Variants in FBXW7 observed in about 807,000 individuals in gnomAD.
The protein encoded by FBXW7 is F-box/WD repeat-containing protein 7.
FBXW7 carries 11 observed loss-of-function variants against 86.3 expected under a neutral mutation model. The ratio of observed to expected loss-of-function variants is 0.13; its 90% CI spans 0.08 to 0.21. FBXW7 has a LOEUF of 0.21. Among genes scored for constraint, FBXW7 ranks in the 10% least tolerant of loss-of-function variants. The probability of loss-of-function intolerance (pLI) is 1.00; values close to 1 mark genes in which losing one functional copy is unlikely to be tolerated. For missense variants in FBXW7, 488 were observed against 847.4 expected (o/e 0.58, Z 5.27); for synonymous variants, 313 against 297.9 (o/e 1.05, Z -0.52).
At chr4:152,459,785 T>C (rs1479874923) in intron 2 of FBXW7, among the ~76,000 whole-genome samples, 1 of 152,250 alleles carries the variant, frequency 6.6e-6, no homozygotes, top group Non-Finnish European at 1.5e-5. Flanking sequence ...AGAACAATTA[T>C]ACTGTAATAA....
At chr4:152,407,520 C>T (rs985339073) in intron 4 of FBXW7, among the ~76,000 whole-genome samples, 1 of 152,106 alleles carries the variant, frequency 6.6e-6, no homozygotes, top group Non-Finnish European at 1.5e-5. Flanking sequence ...AACTTAGAGC[C>T]CTGTTATATT....
chr4:152,385,935 T>G (rs936671611), intron 4 of FBXW7, among the ~76,000 whole-genome samples: 1 of 152,004 alleles, frequency 6.6e-6, no homozygotes. Context: ...TTCATTTTTT[T>G]GGGAGGATTC....
intron 5 of FBXW7, 81 bp downstream of exon 5, chr4:152,349,961 C>A: frequency 1.1e-5 from 8 of 751,246 alleles, no homozygotes; most frequent in Non-Finnish European, 1.7e-5. Context: ...CATTATTATT[C>A]TACAAGAATA....
At chr4:152,502,943 C>A (rs982008729) in intron 2 of FBXW7, among the ~76,000 whole-genome samples, 1 of 152,098 alleles carries the variant, frequency 6.6e-6, no homozygotes, top group Non-Finnish European at 1.5e-5. Flanking sequence ...AGTAAATGTA[C>A]AACAAACGTG....
At chr4:152,370,106 G>C (rs548638935) in intron 4 of FBXW7, among the ~76,000 whole-genome samples, 1 of 152,072 alleles carries the variant, frequency 6.6e-6, no homozygotes, top group South Asian at 2.1e-4. Context: ...AGTAGCAACA[G>C]TGACATTTTA....
rs1005086931 is a variant in FBXW7 at position 152,322,786 on chromosome 4, ATTT to A, written c.*92_*94del. On this transcript the variant is annotated 3_prime_UTR_variant, in exon 14 of 14. Transcript: ENST00000281708. ...CATCCTGCACCACTGAGAACAAGGG[ATTT>A]TTTTCTTTTTCTTTTCTTTTTTTCT... 3.2e-6 allele frequency: 5 copies of A among 1,543,678 alleles called. No homozygotes were observed. Among genetic ancestry groups the A allele is most frequent in the Non-Finnish European group, 4.3e-6 (5 of 1,149,706 alleles).
intron 4 of FBXW7, among the ~76,000 whole-genome samples, chr4:152,388,337 G>A (rs1252938642): frequency 2.6e-5 from 4 of 152,064 alleles, no homozygotes; most frequent in African/African-American, 9.7e-5. Flanking sequence ...ACATACACAA[G>A]TGTTATAAAA....
In FBXW7 at chr4:152,337,705, C is replaced by T. The variant is rs1409084530; in HGVS notation, c.861+97G>A. The stretch of plus-strand genomic sequence containing the variant: ...ATTAAGAGTGTCAAACTGACAATAC[C>T]GAATACCATAATTAGCATGACAATG... On this transcript the variant is annotated intron_variant, in intron 7 of 13. Coordinates refer to ENST00000281708, the MANE Select transcript of FBXW7 (RefSeq NM_001349798.2). 3.3e-5 allele frequency: 43 copies of T among 1,286,172 alleles called. No individual in the cohort carries two copies. The Middle Eastern group carries it at 1.3e-3, about 40-fold the overall frequency. The allele number at this position is 1,286,172 out of a possible 1,614,324, so 79.7% of individuals were successfully genotyped here.
chr4:152,407,640 G>A (rs140803664), intron 4 of FBXW7, among the ~76,000 whole-genome samples: 2 of 152,276 alleles, frequency 1.3e-5, no homozygotes, highest in Non-Finnish European at 2.9e-5. Flanking sequence ...CCTATTACCT[G>A]ATTCCTCTAT....
At chr4:152,526,635 T>A (rs1186780356) in intron 2 of FBXW7, among the ~76,000 whole-genome samples, 5 of 152,234 alleles carry the variant, frequency 3.3e-5, no homozygotes, top group African/African-American at 1.2e-4. Flanking sequence ...TTCTTAATGA[T>A]TTTTTAAAGC....
chr4:152,382,358 G>A (rs769012506), intron 4 of FBXW7: 9 of 1,546,350 alleles, frequency 5.8e-6, no homozygotes, highest in African/African-American at 1.4e-5. Flanking sequence ...CTTGGTTGAC[G>A]AATACTCTCT....
chr4:152,369,597 A>T (rs2126730637), intron 4 of FBXW7, among the ~76,000 whole-genome samples: 1 of 152,172 alleles, frequency 6.6e-6, no homozygotes, highest in Non-Finnish European at 1.5e-5. Flanking sequence ...TTTTGACACG[A>T]AAAAAAGATG....
intron 6 of FBXW7, among the ~76,000 whole-genome samples, chr4:152,338,755 A>G (rs1444808271): frequency 6.6e-6 from 1 of 152,178 alleles, no homozygotes; most frequent in Non-Finnish European, 1.5e-5. Flanking sequence ...AAAATGTTAC[A>G]ATTTCACACA....
chr4:152,420,354 T>C (rs1018350056), intron 2 of FBXW7, among the ~76,000 whole-genome samples: 2 of 152,138 alleles, frequency 1.3e-5, no homozygotes, highest in African/African-American at 4.8e-5. Flanking sequence ...TCCTCCACTG[T>C]AGTCTTGAGC....
chr4:152,446,793 T>G (rs1741442988), intron 2 of FBXW7, among the ~76,000 whole-genome samples: 1 of 152,204 alleles, frequency 6.6e-6, no homozygotes, highest in Non-Finnish European at 1.5e-5. Context: ...TAGACGGCAC[T>G]CCAGTAAAAC....
intron 2 of FBXW7, among the ~76,000 whole-genome samples, chr4:152,458,309 G>A (rs1030494603): frequency 1.2e-4 from 19 of 152,150 alleles, no homozygotes; most frequent in African/African-American, 3.6e-4. Context: ...GTGAGCCACC[G>A]CGCCCGGCCT....
chr4:152,382,805 C>T (rs1413463696), intron 4 of FBXW7, among the ~76,000 whole-genome samples: 1 of 151,958 alleles, frequency 6.6e-6, no homozygotes, highest in Non-Finnish European at 1.5e-5. Flanking sequence ...CAAATGTCAG[C>T]ATTAATATTT....
chr4:152,507,333 T>G (rs1347953814), intron 2 of FBXW7, among the ~76,000 whole-genome samples: 1 of 152,188 alleles, frequency 6.6e-6, no homozygotes, highest in East Asian at 1.9e-4. Context: ...CATATAATAT[T>G]AGAAGGAAGC....
intron 4 of FBXW7, among the ~76,000 whole-genome samples, chr4:152,355,945 G>T (rs147211022): frequency 2.6e-4 from 40 of 152,272 alleles, no homozygotes; most frequent in African/African-American, 8.2e-4. Context: ...AGTTGTGGTT[G>T]TGAGCAGAAA....
Sources: gnomAD v4.1 joint callset for allele counts (sites outside exome capture counted in the v4.1 genomes callset) on GRCh38, gnomAD v4.1.1 for gene constraint, MANE v1.5 for transcripts, NCBI Gene and HGNC (gene_info 2026-07-23, HGNC 2026-07-21) for gene names.